Variants in EEA1 observed in about 807,000 individuals in gnomAD.
EEA1 encodes early endosome antigen 1, also known as early endosome antigen 1, 162kD.
Under a neutral mutation model 209.2 loss-of-function variants are expected in EEA1, and 111 were observed. The ratio of observed to expected loss-of-function variants is 0.53; its 90% CI spans 0.45 to 0.62. The LOEUF (loss-of-function observed/expected upper bound fraction) is 0.62. Ranked by LOEUF, EEA1 falls within the 20% of genes least tolerant of loss-of-function variation. The pLI is 0.00. For synonymous variants in EEA1, 536 were observed against 540.6 expected (o/e 0.99, Z 0.12); for missense variants, 1,343 against 1,530.8 (o/e 0.88, Z 2.05).
chr12:92,806,368 A>G (rs914548102), intron 18 of EEA1, among the ~76,000 whole-genome samples: 7 of 152,202 alleles, frequency 4.6e-5, no homozygotes, highest in Admixed American at 2.0e-4. Flanking sequence ...ACAACTGCCA[A>G]TAAACTTGAA....
At chr12:92,810,385 A>G (rs1252149217) in intron 17 of EEA1, among the ~76,000 whole-genome samples, 1 of 152,088 alleles carries the variant, frequency 6.6e-6, no homozygotes, top group Non-Finnish European at 1.5e-5. Flanking sequence ...CTCATTAGAC[A>G]CTTTTCAGTA....
chr12:92,813,675 C>T (rs10859383), intron 15 of EEA1, among the ~76,000 whole-genome samples: 42,431 of 152,074 alleles, frequency 0.28, 6,322 homozygotes, highest in Non-Finnish European at 0.32. Flanking sequence ...AAAGTAACAC[C>T]TTTAAGTGTT....
chr12:92,838,479 T>G (rs1025791271), intron 10 of EEA1, among the ~76,000 whole-genome samples: 1 of 152,140 alleles, frequency 6.6e-6, no homozygotes, highest in African/African-American at 2.4e-5. Flanking sequence ...CTAAATTATG[T>G]AGAAGTTTTC....
chr12:92,839,482 T>C (rs143967819), intron 10 of EEA1, among the ~76,000 whole-genome samples: 1 of 152,184 alleles, frequency 6.6e-6, no homozygotes, highest in Non-Finnish European at 1.5e-5. Context: ...AGACTAAATT[T>C]TCTTCATATA....
intron 9 of EEA1, among the ~76,000 whole-genome samples, chr12:92,843,941 C>T (rs1220459119): frequency 4.6e-5 from 7 of 152,008 alleles, no homozygotes; most frequent in African/African-American, 1.7e-4. Flanking sequence ...TTTGGAAACC[C>T]TTCCAGAGTG....
At position 92,888,289 on chromosome 12, in the gene EEA1, G is replaced by A. The variant is rs545809428; in HGVS notation, c.117+3340C>T. 8.5e-5 allele frequency among the ~76,000 whole-genome samples: 13 copies of A among 152,240 alleles called. No homozygotes were observed. In the East Asian group the frequency reaches 1.5e-3, roughly 18 times the overall value. On this transcript the variant is annotated intron_variant, in intron 2 of 28. Coordinates refer to ENST00000322349, the MANE Select transcript of EEA1 (RefSeq NM_003566.4). ...AATCCTAAATGATGTTCTATAAAAC[G>A]AATAAAATAGGCCGGGCGCAGTGGC... is the stretch of plus-strand genomic sequence containing the variant.
At position 92,857,401 on chromosome 12, in the gene EEA1, A is replaced by G. The variant is rs763087422; in HGVS notation, c.300+30T>C. 7 of 1,578,080 alleles carry G rather than the reference A, an allele frequency of 4.4e-6. No homozygotes were observed. In the African/African-American group the frequency reaches 9.6e-5, roughly 22 times the overall value. The stretch of plus-strand genomic sequence containing the variant: ...AGAGGTATTATCTGAAACACTGAAA[A>G]TAAAAAGGTATAACAATTTTTATTC... On this transcript the variant is annotated intron_variant, in intron 4 of 28. Coordinates refer to ENST00000322349, the MANE Select transcript of EEA1 (RefSeq NM_003566.4).
chr12:92,816,126 GAGAT>G lies in EEA1; in HGVS notation c.1929+70_1929+73del, dbSNP rs980327222. On this transcript the variant is annotated intron_variant, in intron 15 of 28. Transcript: ENST00000322349. ...TTTCAATTAATATGCAAGGTAAAAA[GAGAT>G]AGAAACAGAATTTAAAACATTTGAC... 1.9e-5 allele frequency: 26 copies of G among 1,342,502 alleles called. No homozygotes were observed. In the East Asian group the frequency reaches 4.0e-4, roughly 21 times the overall value. 83.2% of individuals were successfully genotyped at this position (1,342,502 alleles called of 1,614,324 possible).
At chr12:92,923,412 A>G (rs533727353) in intron 1 of EEA1, among the ~76,000 whole-genome samples, 1 of 152,204 alleles carries the variant, frequency 6.6e-6, no homozygotes, top group Non-Finnish European at 1.5e-5. Flanking sequence ...AAACCCTTCA[A>G]GCTACCTGTT....
At chr12:92,786,196 T>C (rs1167699395) in intron 22 of EEA1, among the ~76,000 whole-genome samples, 2 of 152,202 alleles carry the variant, frequency 1.3e-5, no homozygotes, top group African/African-American at 4.8e-5. Context: ...CAAAGTCTTC[T>C]GGTCTTCAGA....
At chr12:92,830,874 A>G (rs192539893) in intron 11 of EEA1, among the ~76,000 whole-genome samples, 1 of 152,300 alleles carries the variant, frequency 6.6e-6, no homozygotes, top group Admixed American at 6.5e-5. Context: ...TAAAGAATCA[A>G]TTTGTCAGGG....
intron 11 of EEA1, among the ~76,000 whole-genome samples, chr12:92,830,526 T>C (rs781053038): frequency 8.6e-5 from 13 of 151,432 alleles, no homozygotes; most frequent in Non-Finnish European, 1.8e-4. Flanking sequence ...AAAAAAATTA[T>C]AAAAAGTGAC....
At chr12:92,829,996 T>G (rs1002209042) in intron 11 of EEA1, among the ~76,000 whole-genome samples, 1 of 144,532 alleles carries the variant, frequency 6.9e-6, no homozygotes, top group African/African-American at 2.6e-5. Flanking sequence ...TTAGAAAGGA[T>G]TTTTAGGGAG....
chr12:92,911,180 A>C (rs1397731694), intron 1 of EEA1, among the ~76,000 whole-genome samples: 1 of 152,224 alleles, frequency 6.6e-6, no homozygotes, highest in Non-Finnish European at 1.5e-5. Flanking sequence ...CAAAACGTGG[A>C]CATAGAAGTT....
At position 92,819,320 on chromosome 12, in the gene EEA1, T is replaced by C. The variant is rs1257345889; in HGVS notation, c.1716A>G (p.Thr572=). 1 of 1,608,962 alleles carries C rather than the reference T, an allele frequency of 6.2e-7. No homozygotes were observed. The highest frequency in any genetic ancestry group is 8.5e-7 in the Non-Finnish European group (1 of 1,177,974). The change falls in exon 14 of 29, where the codon ACA becomes ACG. Residue 572 remains threonine, a synonymous_variant. Transcript: ENST00000322349. ...VLNQLQEKNH[T]LQEQVTQLTE... is the part of the protein sequence containing the mutation. ...TTTACAAGCTTACTTGCTCCTGTAG[T>C]GTATGGTTTTTTTCTTGTAACTGGT...
chr12:92,880,373 C>T (rs1358509022), intron 2 of EEA1, among the ~76,000 whole-genome samples: 4 of 152,140 alleles, frequency 2.6e-5, no homozygotes, highest in Non-Finnish European at 4.4e-5. Context: ...AGTGCAATCT[C>T]GGCTCACCGC....
intron 1 of EEA1, among the ~76,000 whole-genome samples, chr12:92,892,503 G>A (rs1879690869): frequency 6.6e-6 from 1 of 150,746 alleles, no homozygotes; most frequent in African/African-American, 2.4e-5. Flanking sequence ...AAAATCAGAA[G>A]ATGCAGAACT....
intron 7 of EEA1, 129 bp from the exon 8 acceptor site, chr12:92,852,425 T>G (rs1249623320): frequency 3.8e-6 from 2 of 521,404 alleles, no homozygotes; most frequent in Non-Finnish European, 6.0e-6. Flanking sequence ...CATAAATATA[T>G]ACAGTAAATT....
At chr12:92,865,378 GA>G (rs74262953) in intron 2 of EEA1, among the ~76,000 whole-genome samples, 3,323 of 130,712 alleles carry the variant, frequency 0.025, 116 homozygotes, top group African/African-American at 0.084. Context: ...GGAATGCTAT[GA>G]AAAAAAAAAA....
Sources: allele counts gnomAD v4.1 joint callset (sites outside exome capture counted in the v4.1 genomes callset), GRCh38; gene constraint gnomAD v4.1.1; transcripts MANE v1.5; gene names NCBI Gene and HGNC (gene_info 2026-07-23, HGNC 2026-07-21).